Variants in ULK4 observed in about 807,000 individuals in gnomAD.
The protein encoded by ULK4 is unc-51 like kinase 4.
In ULK4, 133 loss-of-function variants were observed where a neutral mutation model predicts 160.6. That is an observed-to-expected ratio of 0.83 (90% CI 0.72 to 0.96). The LOEUF (loss-of-function observed/expected upper bound fraction) is 0.96. Ranked by LOEUF, ULK4 falls within the 40% of genes least tolerant of loss-of-function variation. The pLI is 0.00. For synonymous variants in ULK4, 534 were observed against 539.8 expected, an observed-to-expected ratio of 0.99 and a Z score of 0.15; for missense variants, 1,580 against 1,499.5, an observed-to-expected ratio of 1.05 and a Z score of -0.89.
chr3:41,330,045 C>T (rs1686238574), intron 35 of ULK4, among the ~76,000 whole-genome samples: 1 of 152,142 alleles, frequency 6.6e-6, no homozygotes, highest in South Asian at 2.1e-4. Context: ...CTTGTTTCTC[C>T]CCTGAAGTAA....
intron 20 of ULK4, among the ~76,000 whole-genome samples, chr3:41,793,905 T>C (rs1200860184): frequency 1.3e-5 from 2 of 152,226 alleles, no homozygotes. Context: ...AGTTATATTT[T>C]ACTCTAAGCC....
intron 32 of ULK4, among the ~76,000 whole-genome samples, chr3:41,561,587 T>C (rs2087571833): frequency 2.0e-5 from 3 of 152,292 alleles, no homozygotes; most frequent in African/African-American, 4.8e-5. Context: ...GGTTTAGTCT[T>C]GGAAGGGTGT....
chr3:41,911,202 C>T (rs1698772929), intron 11 of ULK4, 115 bp downstream of exon 11: 2 of 953,712 alleles, frequency 2.1e-6, no homozygotes, highest in East Asian at 5.1e-5. Context: ...TGGCATTTGG[C>T]ACTAAAATTC....
intron 32 of ULK4, among the ~76,000 whole-genome samples, chr3:41,470,586 G>A (rs145405037): frequency 1.3e-5 from 2 of 152,096 alleles, no homozygotes; most frequent in Non-Finnish European, 2.9e-5. Flanking sequence ...CTCTAATTGC[G>A]GCATGTAAAG....
At chr3:41,717,693 C>T (rs773595571) in intron 23 of ULK4, 35 bp downstream of exon 23, 2 of 1,572,992 alleles carry the variant, frequency 1.3e-6, no homozygotes, top group Non-Finnish European at 1.7e-6. Flanking sequence ...AACGTAAAAG[C>T]AGAAATGGGG....
chr3:41,761,071 T>C (rs767563715), intron 21 of ULK4, among the ~76,000 whole-genome samples: 22 of 152,108 alleles, frequency 1.4e-4, no homozygotes, highest in Non-Finnish European at 3.1e-4. Flanking sequence ...AAGACATCCA[T>C]GATTGCCAGG....
chr3:41,505,923 A>C (rs896495240), intron 32 of ULK4, among the ~76,000 whole-genome samples: 1 of 152,178 alleles, frequency 6.6e-6, no homozygotes, highest in Non-Finnish European at 1.5e-5. Context: ...CTTCTATTAA[A>C]TATGATATTT....
At position 41,912,940 on chromosome 3, in the gene ULK4, T is replaced by G. The variant is rs769121984; in HGVS notation, c.804-41A>C. ...ATGTTAAAACTCTACTTTAACATGA[T>G]TTACCATGAAAAATTCCCAAGACAT... is the stretch of plus-strand genomic sequence containing the variant. On this transcript the variant is annotated intron_variant, in intron 8 of 36. Transcript: ENST00000301831. 10 of 1,589,984 alleles carry G rather than the reference T, an allele frequency of 6.3e-6. No homozygotes were observed. The East Asian group carries it at 9.0e-5, about 14-fold the overall frequency.
chr3:41,488,668 G>A (rs907298777), intron 32 of ULK4, among the ~76,000 whole-genome samples: 1 of 152,168 alleles, frequency 6.6e-6, no homozygotes, highest in African/African-American at 2.4e-5. Flanking sequence ...CCTATACAGG[G>A]TTCAGTTTGC....
chr3:41,954,256 A>G lies in ULK4; in HGVS notation c.138+366T>C, dbSNP rs543068834. Among the ~76,000 whole-genome samples, 46 of 151,484 alleles carry G rather than the reference A, an allele frequency of 3.0e-4. No individual in the cohort carries two copies. In the East Asian group the frequency reaches 9.0e-3, roughly 30 times the overall value. On this transcript the variant is annotated intron_variant, in intron 2 of 36. Transcript: ENST00000301831. Reference sequence around the variant, plus strand: ...GTGCCTGTAGTCCCAGCTACTCTGGAGACTGAGGTGGGAGGATCATCTGAG... The same window carrying G: ...GTGCCTGTAGTCCCAGCTACTCTGGGGACTGAGGTGGGAGGATCATCTGAG...
chr3:41,592,622 CTT>C (rs910188840), intron 31 of ULK4, among the ~76,000 whole-genome samples: 2 of 152,150 alleles, frequency 1.3e-5, no homozygotes, highest in Non-Finnish European at 2.9e-5. Context: ...ATTAAAAACT[CTT>C]ATCAGTTATA....
At chr3:41,453,920 C>CACAGGG in intron 34 of ULK4, among the ~76,000 whole-genome samples, 1 of 149,388 alleles carries the variant, frequency 6.7e-6, no homozygotes, top group South Asian at 2.1e-4. Context: ...AGCAAACTAT[C>CACAGGG]ACAGGGACAA....
chr3:41,819,831 G>A (rs968858178), intron 18 of ULK4, among the ~76,000 whole-genome samples: 6 of 152,152 alleles, frequency 3.9e-5, no homozygotes, highest in African/African-American at 1.2e-4. Flanking sequence ...AATTGTAGAT[G>A]ATAATACAGA....
chr3:41,600,865 A>C (rs950891413), intron 31 of ULK4, among the ~76,000 whole-genome samples: 1 of 152,130 alleles, frequency 6.6e-6, no homozygotes, highest in African/African-American at 2.4e-5. Context: ...TTCCATTAAC[A>C]CTTCCCACTT....
At position 41,790,749 on chromosome 3, in the gene ULK4, A is replaced by G. The variant is rs575402189; in HGVS notation, c.2011-906T>C. On this transcript the variant is annotated intron_variant, in intron 20 of 36. Transcript: ENST00000301831. ...AAGAAGAAAACCTTATGATCTATCT[A>G]GAAAAGCAAGCTGGAGCCAGAGTTG... is the stretch of plus-strand genomic sequence containing the variant. Among the ~76,000 whole-genome samples the G allele has an allele frequency of 3.3e-5, 5 of 152,340 alleles. No individual in the cohort carries two copies. The East Asian group carries it at 9.6e-4, about 29-fold the overall frequency.
At chr3:41,721,369 T>A (rs1339371797) in intron 22 of ULK4, among the ~76,000 whole-genome samples, 14 of 123,974 alleles carry the variant, frequency 1.1e-4, no homozygotes, top group African/African-American at 4.1e-4. Context: ...TATATTTTTT[T>A]TTTTTTTTTT....
chr3:41,387,776 T>C, intron 35 of ULK4, among the ~76,000 whole-genome samples: 1 of 152,208 alleles, frequency 6.6e-6, no homozygotes, highest in East Asian at 1.9e-4. Context: ...TCTATCATTG[T>C]TGGACATTTG....
chr3:41,448,079 A>C (rs1197270521), intron 34 of ULK4, among the ~76,000 whole-genome samples: 11 of 152,104 alleles, frequency 7.2e-5, no homozygotes, highest in Non-Finnish European at 1.0e-4. Context: ...TTCCTACACA[A>C]ATATAATTAA....
chr3:41,840,684 T>G (rs1212555088), intron 17 of ULK4, among the ~76,000 whole-genome samples: 1 of 152,236 alleles, frequency 6.6e-6, no homozygotes, highest in Non-Finnish European at 1.5e-5. Flanking sequence ...TGCTCAGTGT[T>G]GCCCAGGCTG....
Sources: gnomAD v4.1 joint callset for allele counts (sites outside exome capture counted in the v4.1 genomes callset) on GRCh38, gnomAD v4.1.1 for gene constraint, MANE v1.5 for transcripts, NCBI Gene and HGNC (gene_info 2026-07-23, HGNC 2026-07-21) for gene names.